The following ZBBX variants were observed in gnomAD, a reference collection of about 807,000 sequenced individuals.
ZBBX encodes the protein zinc finger B-box domain-containing protein 1.
In ZBBX, 101 loss-of-function variants were observed where a neutral mutation model predicts 108.5. The ratio of observed to expected loss-of-function variants is 0.93; its 90% CI spans 0.79 to 1.10. ZBBX has a LOEUF of 1.10. Among genes scored for constraint, ZBBX ranks in the 50% least tolerant of loss-of-function variants. The pLI is 0.00. For synonymous variants in ZBBX, 356 were observed against 323.4 expected, an observed-to-expected ratio of 1.10 and a Z score of -1.08; for missense variants, 1,009 against 941.4, an observed-to-expected ratio of 1.07 and a Z score of -0.94.
intron 8 of ZBBX, among the ~76,000 whole-genome samples, chr3:167,352,468 A>G (rs965773126): frequency 6.6e-6 from 1 of 152,074 alleles, no homozygotes; most frequent in Non-Finnish European, 1.5e-5. Flanking sequence ...CAATATGAGT[A>G]GTGACGTTGT....
At chr3:167,406,743 T>G (rs1236572028) in intron 1 of ZBBX, among the ~76,000 whole-genome samples, 1 of 152,220 alleles carries the variant, frequency 6.6e-6, no homozygotes, top group Non-Finnish European at 1.5e-5. Context: ...GCCCTTTCAG[T>G]TCTCTACCAT....
intron 10 of ZBBX, among the ~76,000 whole-genome samples, chr3:167,329,933 T>A (rs13082560): frequency 3.9e-5 from 6 of 152,252 alleles, no homozygotes; most frequent in African/African-American, 1.4e-4. Flanking sequence ...CCCACATTGA[T>A]CAACATTACA....
At chr3:167,295,755 AT>A (rs1560086214) in intron 18 of ZBBX, among the ~76,000 whole-genome samples, 7 of 5,282 alleles carry the variant, frequency 1.3e-3, no homozygotes, top group Non-Finnish European at 1.8e-3. Context: ...ATATATATAT[AT>A]ATAAAAAAAA....
the ZBBX span, among the ~76,000 whole-genome samples, chr3:167,196,902 T>C: frequency 6.6e-6 from 1 of 152,196 alleles, no homozygotes; most frequent in Non-Finnish European, 1.5e-5. Context: ...AAAGAATCCC[T>C]GGTGAAATAG....
chr3:167,395,440 C>A (rs1474773114), intron 1 of ZBBX, among the ~76,000 whole-genome samples: 1 of 151,866 alleles, frequency 6.6e-6, no homozygotes, highest in Admixed American at 6.6e-5. Flanking sequence ...AGAAAAGCAG[C>A]CTAGTACCAT....
chr3:167,208,738 G>T, the ZBBX span, among the ~76,000 whole-genome samples: 3 of 152,160 alleles, frequency 2.0e-5, no homozygotes, highest in Non-Finnish European at 2.9e-5. Context: ...TGCATACCCA[G>T]CTGTGATAGC....
At position 167,370,675 on chromosome 3, in the gene ZBBX, A is replaced by AT. The variant is rs1304096672; in HGVS notation, c.69-2102dup. ...GTATGGATCTCACACAAAACAGAGGATTCCCCCTGGAGACAATGTTATACA... is the reference window on the plus strand; with the variant it reads ...GTATGGATCTCACACAAAACAGAGGATTTCCCCCTGGAGACAATGTTATACA... On this transcript the variant is annotated intron_variant, in intron 4 of 21. Transcript: ENST00000675490. 5.3e-5 allele frequency among the ~76,000 whole-genome samples: 8 copies of AT among 152,274 alleles called. No individual in the cohort carries two copies. The East Asian group carries it at 1.5e-3, about 29-fold the overall frequency.
At position 167,350,470 on chromosome 3, in the gene ZBBX, T is replaced by C. The variant is rs143158334; in HGVS notation, c.478A>G (p.Lys160Glu). The change falls in exon 9 of 22, where the codon AAA becomes GAA. Residue 160 changes from lysine (K) to glutamate (E), a missense_variant. Lys to Glu is a moderately conservative substitution (Grantham distance 56). Transcript: ENST00000675490. Reference sequence around the variant, plus strand: ...TTTAGTGCCCCTTTCTGGTGAACTTTAGCAAAGCATCCTGAACAATAATCT... The same window carrying C: ...TTTAGTGCCCCTTTCTGGTGAACTTCAGCAAAGCATCCTGAACAATAATCT... ...GEDYCSGCFA[K>E]VHQKGALKLH... 3.1e-4 allele frequency: 490 copies of C among 1,597,390 alleles called. 7 individuals are homozygous for C. The East Asian group carries it at 0.011, about 35-fold the overall frequency.
intron 1 of ZBBX, among the ~76,000 whole-genome samples, chr3:167,400,326 T>C (rs927507876): frequency 4.6e-5 from 7 of 152,152 alleles, no homozygotes; most frequent in African/African-American, 1.7e-4. Flanking sequence ...CCACCAACAG[T>C]ATATAAGCAT....
At chr3:167,375,692 C>T (rs1437342775) in intron 2 of ZBBX, among the ~76,000 whole-genome samples, 2 of 151,864 alleles carry the variant, frequency 1.3e-5, no homozygotes, top group Non-Finnish European at 2.9e-5. Flanking sequence ...ATAGGAGCAA[C>T]TATTTTTTTT....
chr3:167,345,448 TAA>T (rs764932065), intron 9 of ZBBX, among the ~76,000 whole-genome samples: 1 of 151,924 alleles, frequency 6.6e-6, no homozygotes, highest in Non-Finnish European at 1.5e-5. Context: ...CACATACATT[TAA>T]AATATTTTAT....
chr3:167,354,066 ACC>A, intron 8 of ZBBX, among the ~76,000 whole-genome samples: 2 of 152,122 alleles, frequency 1.3e-5, no homozygotes, highest in South Asian at 2.1e-4. Flanking sequence ...AGCCTAGCTA[ACC>A]TTAAATGTGC....
chr3:167,365,366 A>G (rs1745169587), intron 6 of ZBBX, among the ~76,000 whole-genome samples: 1 of 151,772 alleles, frequency 6.6e-6, no homozygotes. Context: ...ATATAATATT[A>G]TATTTTATAG....
downstream of ZBBX, among the ~76,000 whole-genome samples, chr3:167,235,350 G>A (rs1037727174): frequency 6.6e-6 from 1 of 151,408 alleles, no homozygotes; most frequent in African/African-American, 2.4e-5. Flanking sequence ...ATAAAAATTT[G>A]ACTATGTAAA....
intron 1 of ZBBX, among the ~76,000 whole-genome samples, chr3:167,388,922 A>G (rs1413174059): frequency 6.6e-6 from 1 of 151,994 alleles, no homozygotes; most frequent in Non-Finnish European, 1.5e-5. Context: ...ACATTTTCTA[A>G]TGACAGTTTG....
chr3:167,280,236 A>G (rs901567944), intron 20 of ZBBX, among the ~76,000 whole-genome samples: 7 of 152,158 alleles, frequency 4.6e-5, no homozygotes, highest in Admixed American at 1.3e-4. Context: ...ACAACAGCCA[A>G]AATTGACAAA....
At chr3:167,372,807 T>C in intron 4 of ZBBX, 27 bp downstream of exon 4, 1 of 1,201,396 alleles carries the variant, frequency 8.3e-7, no homozygotes, top group South Asian at 1.3e-5. Flanking sequence ...ACTATTCCTA[T>C]TAAGAAATAA....
At chr3:167,180,288 C>A in the ZBBX span, among the ~76,000 whole-genome samples, 1 of 152,182 alleles carries the variant, frequency 6.6e-6, no homozygotes, top group Non-Finnish European at 1.5e-5. Context: ...GGATAGAAAA[C>A]AGACTACTCA....
Position 167,333,855 on chromosome 3 carries a change from G to T in ZBBX, c.659C>A (p.Ser220Tyr). The change falls in exon 10 of 22, where the codon TCT (serine) becomes TAT (tyrosine). Residue 220 changes from serine (S) to tyrosine (Y), a missense_variant. By Grantham distance (144) the Ser-to-Tyr change is moderately radical. Transcript: ENST00000675490. ...AGAGCTGCTCCTCTGGAGAAGTACAGATTTGGGTTTATGTTGAATTTTACT... is the reference window on the plus strand; with the variant it reads ...AGAGCTGCTCCTCTGGAGAAGTACATATTTGGGTTTATGTTGAATTTTACT... The part of the protein sequence containing the change: ...ETSKIQHKPK[S>Y]VLLQRSSSEV... The T allele has an allele frequency of 6.2e-7, 1 of 1,611,074 alleles. No homozygotes were observed. Among genetic ancestry groups the T allele is most frequent in the Non-Finnish European group, 8.5e-7 (1 of 1,178,786 alleles).
Sources: gnomAD v4.1 joint callset for allele counts (sites outside exome capture counted in the v4.1 genomes callset) on GRCh38, gnomAD v4.1.1 for gene constraint, MANE v1.5 for transcripts, NCBI Gene and HGNC (gene_info 2026-07-23, HGNC 2026-07-21) for gene names.